ZFAT: variants seen among roughly 807,000 people sequenced by gnomAD.
The protein encoded by ZFAT is zinc finger protein ZFAT.
ZFAT carries 64 observed loss-of-function variants against 117.7 expected under a neutral mutation model. That is an observed-to-expected ratio of 0.54 (90% CI 0.44 to 0.67). ZFAT has a LOEUF of 0.67. ZFAT is among the 30% of genes least tolerant of loss of function. The pLI, the probability that ZFAT is intolerant of heterozygous loss-of-function variation, is 0.00. For synonymous variants in ZFAT, 679 were observed against 615.0 expected (o/e 1.10, Z -1.54); for missense variants, 1,433 against 1,584.5 (o/e 0.90, Z 1.62).
intron 1 of ZFAT, among the ~76,000 whole-genome samples, chr8:134,712,372 G>A (rs1340592670): frequency 6.6e-6 from 1 of 152,210 alleles, no homozygotes; most frequent in African/African-American, 2.4e-5. Flanking sequence ...CTTGCACCGG[G>A]TGTCAAGTGG....
intron 3 of ZFAT, among the ~76,000 whole-genome samples, chr8:134,630,179 G>A (rs1478791463): frequency 6.6e-6 from 1 of 152,200 alleles, no homozygotes; most frequent in Non-Finnish European, 1.5e-5. Context: ...ACTGGGCCAT[G>A]CAGAAGCCAC....
At chr8:134,668,321 AC>A (rs1832354706) in intron 1 of ZFAT, among the ~76,000 whole-genome samples, 1 of 152,190 alleles carries the variant, frequency 6.6e-6, no homozygotes, top group African/African-American at 2.4e-5. Context: ...TGGGTCCCTG[AC>A]CCCTGAGTAG....
intron 12 of ZFAT, among the ~76,000 whole-genome samples, chr8:134,524,300 A>G (rs189215418): frequency 3.9e-5 from 6 of 152,170 alleles, no homozygotes; most frequent in African/African-American, 1.4e-4. Context: ...AACTCACTAG[A>G]AAGAGGTGCT....
the ZFAT span, among the ~76,000 whole-genome samples, chr8:134,790,890 C>A: frequency 8.5e-5 from 13 of 152,124 alleles, no homozygotes; most frequent in African/African-American, 3.1e-4. Context: ...TGGTACATGC[C>A]TGTGGTCCCA....
chr8:134,657,775 C>A, intron 1 of ZFAT, 38 bp from the exon 2 acceptor site: 1 of 1,592,932 alleles, frequency 6.3e-7, no homozygotes, highest in South Asian at 1.1e-5. Flanking sequence ...TATTTCATCT[C>A]CACATAAACA....
intron 10 of ZFAT, among the ~76,000 whole-genome samples, chr8:134,574,093 C>T (rs1299920547): frequency 6.6e-6 from 1 of 152,212 alleles, no homozygotes; most frequent in South Asian, 2.1e-4. Context: ...TACGAGAGTT[C>T]GAACTTCGCT....
At chr8:134,692,961 T>C (rs1325761955) in intron 1 of ZFAT, among the ~76,000 whole-genome samples, 1 of 152,234 alleles carries the variant, frequency 6.6e-6, no homozygotes, top group African/African-American at 2.4e-5. Flanking sequence ...GAGGATAGAA[T>C]ACACTGTGCT....
chr8:134,503,735 A>G (rs796732129), intron 15 of ZFAT, among the ~76,000 whole-genome samples: 39 of 152,250 alleles, frequency 2.6e-4, no homozygotes, highest in African/African-American at 8.7e-4. Flanking sequence ...AAGCCAGGAC[A>G]CTGGTTTTTC....
chr8:134,533,095 G>T, intron 11 of ZFAT, 123 bp from the exon 12 acceptor site: 1 of 1,407,958 alleles, frequency 7.1e-7, no homozygotes, highest in Non-Finnish European at 9.5e-7. Flanking sequence ...CATCACCTGT[G>T]ATATGTTCTA....
At chr8:134,810,083 T>C in the ZFAT span, among the ~76,000 whole-genome samples, 1 of 152,174 alleles carries the variant, frequency 6.6e-6, no homozygotes, top group East Asian at 1.9e-4. Context: ...CACCATGAAC[T>C]ACACCCAAAA....
the ZFAT span, among the ~76,000 whole-genome samples, chr8:134,825,078 A>C: frequency 6.6e-6 from 1 of 152,218 alleles, no homozygotes; most frequent in African/African-American, 2.4e-5. Context: ...TCTAAATGTG[A>C]TTACTAAAAA....
chr8:134,609,444 G>A (rs1283435744), intron 4 of ZFAT, among the ~76,000 whole-genome samples: 3 of 152,170 alleles, frequency 2.0e-5, no homozygotes, highest in Non-Finnish European at 2.9e-5. Flanking sequence ...CTATTCTGAA[G>A]TGAGTAGGGC....
At chr8:134,527,718 G>C (rs574667495) in intron 12 of ZFAT, among the ~76,000 whole-genome samples, 4 of 152,172 alleles carry the variant, frequency 2.6e-5, no homozygotes, top group Non-Finnish European at 4.4e-5. Flanking sequence ...TCTTCCCACA[G>C]GATCCTCAAG....
intron 5 of ZFAT, among the ~76,000 whole-genome samples, chr8:134,608,225 A>G (rs1181796222): frequency 2.6e-5 from 4 of 152,264 alleles, no homozygotes; most frequent in African/African-American, 9.6e-5. Flanking sequence ...ATGTTAGTAT[A>G]TTTCAAAAAA....
chr8:134,578,362 G>C (rs571123129), intron 10 of ZFAT, among the ~76,000 whole-genome samples: 33 of 141,920 alleles, frequency 2.3e-4, no homozygotes, highest in African/African-American at 8.6e-4. Flanking sequence ...AGTGAGCCGA[G>C]ATGGCACCAC....
the ZFAT span, among the ~76,000 whole-genome samples, chr8:134,812,293 C>T: frequency 1.3e-5 from 2 of 152,218 alleles, no homozygotes; most frequent in Admixed American, 6.5e-5. Context: ...AGATTCTTTA[C>T]TTCCTCTTAA....
At chr8:134,715,152 A>T (rs368257218), upstream of ZFAT, among the ~76,000 whole-genome samples, 1 of 152,174 alleles carries the variant, frequency 6.6e-6, no homozygotes, top group Non-Finnish European at 1.5e-5. Context: ...AATGTTGTTT[A>T]TTGATTAGCA....
chr8:134,710,155 C>A (rs1357487229), intron 1 of ZFAT, among the ~76,000 whole-genome samples: 4 of 152,280 alleles, frequency 2.6e-5, no homozygotes, highest in South Asian at 2.1e-4. Context: ...CTCATTCTCT[C>A]TATATAAGCA....
chr8:134,825,246 T>A, the ZFAT span, among the ~76,000 whole-genome samples: 1 of 152,266 alleles, frequency 6.6e-6, no homozygotes, highest in South Asian at 2.1e-4. Context: ...AAGGTTATAA[T>A]CCCAGGGAAA....
Sources: allele counts gnomAD v4.1 joint callset (sites outside exome capture counted in the v4.1 genomes callset), GRCh38; gene constraint gnomAD v4.1.1; transcripts MANE v1.5; gene names NCBI Gene and HGNC (gene_info 2026-07-23, HGNC 2026-07-21).